SPTB: variants seen among roughly 807,000 people sequenced by gnomAD.
The protein encoded by SPTB is spectrin beta chain, erythrocytic.
Under a neutral mutation model 256.2 loss-of-function variants are expected in SPTB, and 45 were observed. The ratio of observed to expected loss-of-function variants is 0.18; its 90% CI spans 0.14 to 0.23. The LOEUF is 0.23. Among genes scored for constraint, SPTB ranks in the 10% least tolerant of loss-of-function variants. The pLI, the probability that SPTB is intolerant of heterozygous loss-of-function variation, is 1.00. For synonymous variants in SPTB, 1,231 were observed against 1,243.1 expected, an observed-to-expected ratio of 0.99 and a Z score of 0.21; for missense variants, 2,715 against 3,040.4, an observed-to-expected ratio of 0.89 and a Z score of 2.52.
In SPTB at chr14:64,793,878, TA is replaced by T. The variant is rs1566765432; in HGVS notation, c.1796-12del. The T allele has an allele frequency of 1.3e-6, 2 of 1,574,784 alleles. No individual in the cohort carries two copies. Among genetic ancestry groups the T allele is most frequent in the Admixed American group, 3.4e-5 (2 of 58,770 alleles). Reference sequence around the variant, plus strand: ...CACAAGGCTGGTACCCTGGAAGAAATAGGGGGAAGGAGGACAAAGTGGGGGA... The same window carrying T: ...CACAAGGCTGGTACCCTGGAAGAAATGGGGGAAGGAGGACAAAGTGGGGGA... On this transcript the variant is annotated splice_polypyrimidine_tract_variant and intron_variant, in intron 13 of 35. Coordinates refer to ENST00000644917, the MANE Select transcript of SPTB (RefSeq NM_001355436.2). This position sits in a 1 kb window ranked among gnomAD's most constrained non-coding sequence, Gnocchi z 7.0.
intron 1 of SPTB, among the ~76,000 whole-genome samples, chr14:64,862,194 CTTTCT>C (rs544167002): frequency 5.5e-4 from 83 of 152,268 alleles, no homozygotes; most frequent in African/African-American, 1.5e-3. Context: ...CAGGGTGCCT[CTTTCT>C]TTTAAGACTT....
intron 22 of SPTB, among the ~76,000 whole-genome samples, chr14:64,776,006 G>A (rs1228860054): frequency 6.6e-6 from 1 of 152,062 alleles, no homozygotes; most frequent in Non-Finnish European, 1.5e-5. Flanking sequence ...TGAGCCTTTG[G>A]TCATGAACAC....
At chr14:64,767,927 C>T (rs2082216677) in intron 29 of SPTB, 68 bp from the exon 30 acceptor site, 9 of 1,558,722 alleles carry the variant, frequency 5.8e-6, no homozygotes, top group Middle Eastern at 2.1e-4. Flanking sequence ...ATCGTTCACT[C>T]CTGATTGGGG....
intron 1 of SPTB, among the ~76,000 whole-genome samples, chr14:64,879,574 C>A (rs1292554006): frequency 2.6e-5 from 4 of 152,212 alleles, no homozygotes; most frequent in African/African-American, 9.7e-5. Context: ...CGCGTTCCCG[C>A]GTCCCGGGAT....
chr14:64,877,599 C>G (rs1882886742), intron 1 of SPTB, among the ~76,000 whole-genome samples: 1 of 152,208 alleles, frequency 6.6e-6, no homozygotes, highest in Admixed American at 6.5e-5. Context: ...AAACGCTGAG[C>G]ATTCATTTGT....
At chr14:64,784,914 C>T (rs1398237344) in intron 18 of SPTB, among the ~76,000 whole-genome samples, 1 of 152,152 alleles carries the variant, frequency 6.6e-6, no homozygotes, top group Admixed American at 6.5e-5. Context: ...AATGGAGGGA[C>T]CTGGGAAGGC....
At chr14:64,833,195 G>A (rs1467948937) in intron 1 of SPTB, among the ~76,000 whole-genome samples, 1 of 152,000 alleles carries the variant, frequency 6.6e-6, no homozygotes, top group Non-Finnish European at 1.5e-5. Flanking sequence ...AAAAATCCTC[G>A]CTCCTTTACA....
rs200540305 is a variant in SPTB at position 64,770,975 on chromosome 14, G to A, written c.5708C>T (p.Ala1903Val). 1.9e-5 allele frequency: 31 copies of A among 1,614,000 alleles called. No individual in the cohort carries two copies. Among genetic ancestry groups the A allele is most frequent in the African/African-American group, 2.7e-5 (2 of 74,934 alleles). ...CATGCTGAAGAAGCGGAATTTATCCGCCGTGTCCACTAGCTGGGTCCGGCG... is the reference window on the plus strand; with the variant it reads ...CATGCTGAAGAAGCGGAATTTATCCACCGTGTCCACTAGCTGGGTCCGGCG... ...AGRRTQLVDT[A>V]DKFRFFSMAR... Residue 1903 changes from alanine (A) to valine (V), a missense_variant, in exon 27 of 36, where the codon GCG becomes GTG. Ala to Val is a moderately conservative substitution (Grantham distance 64). Around this residue, in one of 4 missense-constraint regions of SPTB, gnomAD observed 2,239 missense variants for 2,384.4 expected, o/e 0.94. Transcript: ENST00000644917.
In SPTB at chr14:64,749,857, G is replaced by A. The variant is rs1012541815; in HGVS notation, c.6776+124C>T. 94 of 1,511,052 alleles carry A rather than the reference G, an allele frequency of 6.2e-5. No homozygotes were observed. Among genetic ancestry groups the A allele is most frequent in the Middle Eastern group, 1.7e-4 (1 of 5,816 alleles). The allele number at this position is 1,511,052 out of a possible 1,614,324, so 93.6% of individuals were successfully genotyped here. A position where few individuals can be genotyped will look rare whatever the true frequency, so the allele number is the denominator to read the frequency against. On this transcript the variant is annotated intron_variant, in intron 34 of 35. Coordinates refer to ENST00000644917, the MANE Select transcript of SPTB (RefSeq NM_001355436.2). The surrounding 1 kb of genome is among the most constrained non-coding windows in gnomAD (Gnocchi z 4.7). ...CAAAGTCTGGACCATCAGCCTCTTT[G>A]ATTTGAAAAACCCCTGAGGAGCAGC... is the stretch of plus-strand genomic sequence containing the variant.
chr14:64,854,788 C>G (rs1166300997), intron 1 of SPTB, among the ~76,000 whole-genome samples: 1 of 152,150 alleles, frequency 6.6e-6, no homozygotes, highest in Non-Finnish European at 1.5e-5. Flanking sequence ...GCCTCCAAGG[C>G]CTTGCCCTTC....
At chr14:64,850,790 C>T (rs2083771665) in intron 1 of SPTB, among the ~76,000 whole-genome samples, 1 of 152,226 alleles carries the variant, frequency 6.6e-6, no homozygotes, top group South Asian at 2.1e-4. Flanking sequence ...TTCTTCCTCT[C>T]TCTTCCCCTT....
At chr14:64,875,662 G>A (rs912780580) in intron 1 of SPTB, among the ~76,000 whole-genome samples, 1 of 152,342 alleles carries the variant, frequency 6.6e-6, no homozygotes, top group Admixed American at 6.5e-5. Flanking sequence ...AAACAGAGGA[G>A]TAACCTACGA....
In SPTB at chr14:64,823,472, AGAG is replaced by A. The variant is rs1166858663; in HGVS notation, c.-51-330_-51-328del. Among the ~76,000 whole-genome samples, 1 of 152,094 alleles carries A rather than the reference AGAG, an allele frequency of 6.6e-6. No homozygotes were observed. Among genetic ancestry groups the A allele is most frequent in the Admixed American group, 6.5e-5 (1 of 15,270 alleles). On this transcript the variant is annotated intron_variant, in intron 1 of 35. Coordinates refer to ENST00000644917, the MANE Select transcript of SPTB (RefSeq NM_001355436.2). This position sits in a 1 kb window ranked among gnomAD's most constrained non-coding sequence, Gnocchi z 6.5. ...CCCGCCGCGGGGAGCACCCCGGGAG[AGAG>A]GAAGCTCTCCTGGGAGCCAGAGGCA...
chr14:64,833,213 T>C (rs541034010), intron 1 of SPTB, among the ~76,000 whole-genome samples: 27 of 152,152 alleles, frequency 1.8e-4, no homozygotes, highest in Non-Finnish European at 2.6e-4. Flanking sequence ...ACAGAATAAC[T>C]TCTTCTCTGT....
intron 2 of SPTB, among the ~76,000 whole-genome samples, chr14:64,811,559 G>A (rs995800141): frequency 6.6e-6 from 1 of 152,184 alleles, no homozygotes. Context: ...ATGTTTTTCA[G>A]AGATACATAC....
At position 64,753,711 on chromosome 14, in the gene SPTB, C is replaced by T; in HGVS notation, c.6428G>A (p.Gly2143Glu). ...GGGCTCCGTGGTGGGCCTCTCATCC[C>T]CAGTGGATTTCTGCCCATCCTTGTG... ...GQHKDGQKST[G>E]DERPTTEPLF... Residue 2143 changes from glycine (G) to glutamate (E), a missense_variant, in exon 33 of 36, where the codon GGG (glycine) becomes GAG (glutamate). Coordinates refer to ENST00000644917, the MANE Select transcript of SPTB (RefSeq NM_001355436.2). 4 of 1,613,826 alleles carry T rather than the reference C, an allele frequency of 2.5e-6. No individual in the cohort carries two copies. Among genetic ancestry groups the T allele is most frequent in the Non-Finnish European group, 3.4e-6 (4 of 1,180,032 alleles).
rs747360003 is a variant in SPTB at position 64,767,750 on chromosome 14, C to T, written c.6132G>A (p.Val2044=). The T allele has an allele frequency of 2.5e-6, 4 of 1,614,196 alleles. No homozygotes were observed. Among genetic ancestry groups the T allele is most frequent in the Non-Finnish European group, 2.5e-6 (3 of 1,180,042 alleles). Residue 2044 remains valine, a synonymous_variant, in exon 30 of 36, where the codon GTG becomes GTA. Transcript: ENST00000644917. ...CCTCATGCCTCTTGATGAGCTTCTC[C>T]ACACTGTCCACTGTGTGTCCAAAGT... ...SGDFGHTVDS[V]EKLIKRHEAF...
Position 64,797,779 on chromosome 14 carries a change from G to C in SPTB, c.1132C>G (p.Gln378Glu). Residue 378 changes from glutamine (Q) to glutamate (E), a missense_variant, in exon 10 of 36, where the codon CAG becomes GAG. Gln to Glu is a conservative substitution (Grantham distance 29). Coordinates refer to ENST00000644917, the MANE Select transcript of SPTB (RefSeq NM_001355436.2). ...CCATCGTGGGGTGTGTACACTTTCT[G>C]ATTGTTGGCTCTCATCCGGGACTGG... ...TIQSRMRANN[Q>E]KVYTPHDGKL... 1 of 1,614,142 alleles carries C rather than the reference G, an allele frequency of 6.2e-7. No individual in the cohort carries two copies. The highest frequency in any genetic ancestry group is 1.3e-5 in the African/African-American group (1 of 75,034).
At position 64,873,056 on chromosome 14, in the gene SPTB, C is replaced by T. The variant is rs1406561031; in HGVS notation, c.-52+6736G>A. ...AATCTCTTCTCCCAAACATCCCATGCCTCTCTCCCCACTTCATTTGAGTCT... is the reference window on the plus strand; with the variant it reads ...AATCTCTTCTCCCAAACATCCCATGTCTCTCTCCCCACTTCATTTGAGTCT... On this transcript the variant is annotated intron_variant, in intron 1 of 35. Transcript: ENST00000644917. The surrounding 1 kb of genome is among the most constrained non-coding windows in gnomAD (Gnocchi z 4.3). Among the ~76,000 whole-genome samples the T allele has an allele frequency of 2.0e-5, 3 of 152,132 alleles. No individual in the cohort carries two copies. The highest frequency in any genetic ancestry group is 2.9e-5 in the Non-Finnish European group (2 of 68,008).
Sources: allele counts gnomAD v4.1 joint callset (sites outside exome capture counted in the v4.1 genomes callset), GRCh38; gene constraint gnomAD v4.1.1; regional missense constraint gnomAD v4.1.1; non-coding constraint Gnocchi (gnomAD v3.1); transcripts MANE v1.5; gene names NCBI Gene and HGNC (gene_info 2026-07-23, HGNC 2026-07-21).